TCF12: variants seen among roughly 807,000 people sequenced by gnomAD.
The protein encoded by TCF12 is transcription factor 12.
In TCF12, 45 loss-of-function variants were observed where a neutral mutation model predicts 86.0. The observed-to-expected ratio is 0.52, with a 90% CI of 0.41 to 0.67. TCF12 has a LOEUF of 0.67. Among genes scored for constraint, TCF12 ranks in the 30% least tolerant of loss-of-function variants. The pLI, the probability that TCF12 is intolerant of heterozygous loss-of-function variation, is 0.00. For synonymous variants in TCF12, 330 were observed against 299.6 expected (o/e 1.10, Z -1.05); for missense variants, 881 against 859.9 (o/e 1.02, Z -0.31).
chr15:56,962,395 T>A (rs2116065), intron 3 of TCF12, among the ~76,000 whole-genome samples: 59,016 of 151,930 alleles, frequency 0.39, 14,259 homozygotes, highest in Non-Finnish European at 0.53. Flanking sequence ...CTACTATAAC[T>A]TTTTTTTGTT....
chr15:56,920,775 T>G (rs542813758), intron 2 of TCF12, among the ~76,000 whole-genome samples: 1 of 152,296 alleles, frequency 6.6e-6, no homozygotes, highest in South Asian at 2.1e-4. Flanking sequence ...CTATACTGTT[T>G]AAACTTAATA....
chr15:57,119,289 T>A (rs1016756826), intron 5 of TCF12, among the ~76,000 whole-genome samples: 1 of 151,268 alleles, frequency 6.6e-6, no homozygotes, highest in Non-Finnish European at 1.5e-5. Flanking sequence ...TTTGTTTGTT[T>A]GTTTTTTTGT....
chr15:57,008,788 G>C (rs1237677856), intron 3 of TCF12, among the ~76,000 whole-genome samples: 1 of 152,146 alleles, frequency 6.6e-6, no homozygotes, highest in East Asian at 1.9e-4. Context: ...TCTAGTGACA[G>C]TATACTTTAA....
At chr15:56,940,607 CCTT>C (rs1314529674) in intron 3 of TCF12, among the ~76,000 whole-genome samples, 2 of 148,596 alleles carry the variant, frequency 1.3e-5, no homozygotes, top group South Asian at 2.2e-4. Flanking sequence ...TCCTTCTCCT[CCTT>C]CTTCTCCCTC....
chr15:57,109,156 A>G (rs2050324764), intron 5 of TCF12: 1 of 152,188 alleles, frequency 6.6e-6, no homozygotes, highest in Non-Finnish European at 1.5e-5. Flanking sequence ...ATCTGGCTGT[A>G]GGATATATTT....
At chr15:57,036,422 C>T (rs2141398455) in intron 3 of TCF12, among the ~76,000 whole-genome samples, 1 of 152,278 alleles carries the variant, frequency 6.6e-6, no homozygotes, top group African/African-American at 2.4e-5. Flanking sequence ...TTTTGAGAAA[C>T]TGCCAGACTG....
intron 3 of TCF12, among the ~76,000 whole-genome samples, chr15:56,987,037 C>T (rs1457019405): frequency 1.3e-5 from 2 of 151,794 alleles, no homozygotes; most frequent in Admixed American, 6.6e-5. Context: ...TTGAGGATAA[C>T]GCCAATACTT....
chr15:57,123,353 C>T (rs1263487986), intron 5 of TCF12, among the ~76,000 whole-genome samples: 3 of 152,002 alleles, frequency 2.0e-5, no homozygotes, highest in Admixed American at 2.0e-4. Flanking sequence ...TTTTAATTTC[C>T]TTGTTTCTTT....
intron 3 of TCF12, among the ~76,000 whole-genome samples, chr15:57,019,810 G>C (rs1440415953): frequency 6.6e-6 from 1 of 152,112 alleles, no homozygotes. Context: ...AGAAGCAAAA[G>C]ACTATAGAAA....
intron 5 of TCF12, among the ~76,000 whole-genome samples, chr15:57,165,645 T>A (rs1252274369): frequency 6.6e-6 from 1 of 152,084 alleles, no homozygotes; most frequent in African/African-American, 2.4e-5. Context: ...CAAGTGATTC[T>A]CCTGCCTCAG....
At chr15:56,946,161 A>G (rs2060986058) in intron 3 of TCF12, among the ~76,000 whole-genome samples, 1 of 152,190 alleles carries the variant, frequency 6.6e-6, no homozygotes, top group South Asian at 2.1e-4. Flanking sequence ...ATTTGAAAAC[A>G]TTTCGGCTGC....
chr15:56,926,457 C>T (rs2140225004), intron 3 of TCF12, among the ~76,000 whole-genome samples: 1 of 152,208 alleles, frequency 6.6e-6, no homozygotes, highest in South Asian at 2.1e-4. Context: ...GCTGAAGAGT[C>T]AGGGAACTGG....
intron 3 of TCF12, 88 bp from the exon 4 acceptor site, chr15:57,063,662 C>A: frequency 9.6e-7 from 1 of 1,047,116 alleles, no homozygotes; most frequent in Non-Finnish European, 1.4e-6. Context: ...GCAAATACCA[C>A]TTGCTAAATT....
At chr15:56,923,308 T>C (rs1239265537) in intron 3 of TCF12, among the ~76,000 whole-genome samples, 1 of 152,134 alleles carries the variant, frequency 6.6e-6, no homozygotes, top group Non-Finnish European at 1.5e-5. Flanking sequence ...TCTTTAATCT[T>C]ATTCCTGAAG....
intron 3 of TCF12, among the ~76,000 whole-genome samples, chr15:57,047,506 A>G (rs2067311534): frequency 6.6e-6 from 1 of 152,214 alleles, no homozygotes; most frequent in Admixed American, 6.5e-5. Flanking sequence ...AGAAATTGTA[A>G]TGGGGGTAGA....
At chr15:57,041,073 A>T (rs181811695) in intron 3 of TCF12, among the ~76,000 whole-genome samples, 13 of 152,328 alleles carry the variant, frequency 8.5e-5, no homozygotes, top group Non-Finnish European at 1.9e-4. Context: ...GTTTATAATC[A>T]CATGAAGAAT....
At chr15:57,088,738 T>G (rs1057347896) in intron 4 of TCF12, among the ~76,000 whole-genome samples, 1 of 152,124 alleles carries the variant, frequency 6.6e-6, no homozygotes, top group Non-Finnish European at 1.5e-5. Flanking sequence ...GAATCTTAAG[T>G]TCTACCCCCA....
intron 3 of TCF12, among the ~76,000 whole-genome samples, chr15:56,922,492 T>A (rs752498412): frequency 2.6e-5 from 4 of 152,034 alleles, no homozygotes; most frequent in Non-Finnish European, 5.9e-5. Context: ...AATTAAAAAG[T>A]ATGTGAACTG....
chr15:57,157,317 C>A (rs1284094369), intron 5 of TCF12, among the ~76,000 whole-genome samples: 1 of 151,176 alleles, frequency 6.6e-6, no homozygotes, highest in Non-Finnish European at 1.5e-5. Context: ...GTTCTGTAAT[C>A]TTTTGACTTG....
Sources: gnomAD v4.1 joint callset for allele counts (sites outside exome capture counted in the v4.1 genomes callset) on GRCh38, gnomAD v4.1.1 for gene constraint, MANE v1.5 for transcripts, NCBI Gene and HGNC (gene_info 2026-07-23, HGNC 2026-07-21) for gene names.